RELN: variants seen among roughly 807,000 people sequenced by gnomAD.
RELN encodes reelin.
In RELN, 108 loss-of-function variants were observed where a neutral mutation model predicts 427.6. That is an observed-to-expected ratio of 0.25 (90% CI 0.22 to 0.30). The LOEUF is 0.30. RELN is among the 10% of genes least tolerant of loss of function. The pLI is 1.00. For missense variants in RELN, 3,715 were observed against 4,302.8 expected (o/e 0.86, Z 3.82); for synonymous variants, 1,524 against 1,513.4 (o/e 1.01, Z -0.16).
chr7:103,967,988 T>C (rs1023554010), intron 1 of RELN, among the ~76,000 whole-genome samples: 3 of 150,804 alleles, frequency 2.0e-5, no homozygotes, highest in Non-Finnish European at 4.4e-5. Context: ...CAAGTACATA[T>C]TTCTCAAACT....
intron 1 of RELN, among the ~76,000 whole-genome samples, chr7:103,985,460 T>C (rs1458186901): frequency 6.6e-6 from 1 of 152,210 alleles, no homozygotes; most frequent in South Asian, 2.1e-4. Context: ...TTGTCTTTCA[T>C]GCACAATGTC....
At position 103,682,128 on chromosome 7, in the gene RELN, C is replaced by T. The variant is rs568950079; in HGVS notation, c.1277G>A (p.Ser426Asn). The stretch of plus-strand genomic sequence containing the variant: ...AGCAATTACTTACCCTGTAGGCTGG[C>T]TCTCAAATTCTTCTGACCATTGCTC... The part of the protein sequence containing the change: ...IQEQWSEEFE[S>N]QPTGWDVLGA... The change falls in exon 11 of 65, where the codon AGC (serine) becomes AAC (asparagine). Residue 426 changes from serine (S) to asparagine (N), a missense_variant. Ser to Asn is a conservative substitution (Grantham distance 46). Coordinates refer to ENST00000428762, the MANE Select transcript of RELN (RefSeq NM_005045.4). 193 of 1,613,932 alleles carry T rather than the reference C, an allele frequency of 1.2e-4. 2 individuals carry two copies. In the South Asian group the frequency reaches 2.0e-3, roughly 17 times the overall value.
Position 103,593,819 on chromosome 7 carries a change from C to T in RELN, c.3775G>A (p.Ala1259Thr). 6.2e-7 allele frequency: 1 copy of T among 1,613,894 alleles called. No individual in the cohort carries two copies. Among genetic ancestry groups the T allele is most frequent in the Non-Finnish European group, 8.5e-7 (1 of 1,179,876 alleles). Residue 1259 changes from alanine (A) to threonine (T), a missense_variant, in exon 27 of 65, where the codon GCT becomes ACT. Ala to Thr is a moderately conservative substitution (Grantham distance 58, BLOSUM62 0). Transcript: ENST00000428762. ...MNQMSVWLML[A>T]NEGMVKNETF... ...TCATTTTTAACCATTCCTTCATTAG[C>T]CAACATCAACCACACACTCATCTGA... is the stretch of plus-strand genomic sequence containing the variant.
At chr7:103,496,395 A>C in intron 56 of RELN, 131 bp downstream of exon 56, 1 of 1,259,436 alleles carries the variant, frequency 7.9e-7, no homozygotes, top group South Asian at 1.2e-5. Flanking sequence ...GCAAAATAAC[A>C]GCTAACATTT....
chr7:103,834,321 T>C lies in RELN; in HGVS notation c.338-649A>G, dbSNP rs138938738. Among the ~76,000 whole-genome samples, 69 of 152,336 alleles carry C rather than the reference T, an allele frequency of 4.5e-4. 3 individuals are homozygous for C. Among genetic ancestry groups the C allele is most frequent in the African/African-American group, 1.6e-3 (65 of 41,578 alleles). ...GCAGTCCTATTTGCATGGATGGGGATGTTGGTCACTTTCGTGGTTTGCTTC... is the reference window on the plus strand; with the variant it reads ...GCAGTCCTATTTGCATGGATGGGGACGTTGGTCACTTTCGTGGTTTGCTTC... On this transcript the variant is annotated intron_variant, in intron 2 of 64. Transcript: ENST00000428762.
At chr7:103,544,446 C>T (rs867476836) in intron 42 of RELN, among the ~76,000 whole-genome samples, 1 of 151,656 alleles carries the variant, frequency 6.6e-6, no homozygotes, top group East Asian at 1.9e-4. Flanking sequence ...AGGCTGGTCT[C>T]GAATTCCCGA....
intron 5 of RELN, among the ~76,000 whole-genome samples, chr7:103,750,153 T>A (rs1790961314): frequency 6.6e-6 from 1 of 152,190 alleles, no homozygotes; most frequent in Non-Finnish European, 1.5e-5. Context: ...CTAATTTTTA[T>A]ATTTTTAGTA....
chr7:103,946,870 C>T (rs989237736), intron 1 of RELN, among the ~76,000 whole-genome samples: 2 of 152,148 alleles, frequency 1.3e-5, no homozygotes, highest in African/African-American at 4.8e-5. Flanking sequence ...GCCTTTCATC[C>T]ATGATGAATT....
chr7:103,812,652 C>A (rs39334), intron 3 of RELN, among the ~76,000 whole-genome samples: 75,300 of 152,032 alleles, frequency 0.5, 21,357 homozygotes, highest in South Asian at 0.64. Flanking sequence ...CCAATCTTTT[C>A]TTTTTCTTAC....
intron 1 of RELN, among the ~76,000 whole-genome samples, chr7:103,952,834 C>G (rs1468895462): frequency 3.9e-5 from 6 of 152,174 alleles, no homozygotes; most frequent in Non-Finnish European, 1.5e-5. Flanking sequence ...AAAACACTCA[C>G]AGAGGATGAA....
intron 36 of RELN, 60 bp from the exon 37 acceptor site, chr7:103,558,109 T>A: frequency 1.2e-6 from 1 of 814,608 alleles, no homozygotes; most frequent in Non-Finnish European, 2.2e-6. Context: ...TGTATCCCTT[T>A]GATTTTATAC....
intron 8 of RELN, among the ~76,000 whole-genome samples, chr7:103,711,214 T>G (rs1789790105): frequency 6.6e-6 from 1 of 152,222 alleles, no homozygotes; most frequent in South Asian, 2.1e-4. Flanking sequence ...TTGTTTTTAT[T>G]TCTTTTTGCA....
At chr7:103,605,686 A>C (rs1357762832) in intron 22 of RELN, among the ~76,000 whole-genome samples, 1 of 152,238 alleles carries the variant, frequency 6.6e-6, no homozygotes, top group Non-Finnish European at 1.5e-5. Context: ...TTTCCCAAGC[A>C]CACTATATAC....
In RELN at chr7:103,511,013, C is replaced by T. The variant is rs774963642; in HGVS notation, c.8120-8G>A. On this transcript the variant is annotated splice_region_variant and splice_polypyrimidine_tract_variant and intron_variant, in intron 50 of 64. Coordinates refer to ENST00000428762, the MANE Select transcript of RELN (RefSeq NM_005045.4). ...ATAGCCAGTGCTCATTCACTTAAAA[C>T]AAAAAAACAAAATTTTATGACAAAT... 6.2e-7 allele frequency: 1 copy of T among 1,610,272 alleles called. No individual in the cohort carries two copies. Among genetic ancestry groups the T allele is most frequent in the Non-Finnish European group, 8.5e-7 (1 of 1,177,112 alleles).
At chr7:103,520,971 T>TA (rs1562869033) in intron 48 of RELN, among the ~76,000 whole-genome samples, 9 of 127,300 alleles carry the variant, frequency 7.1e-5, no homozygotes, top group African/African-American at 2.6e-4. Flanking sequence ...TTTTTTTTTT[T>TA]TTTTTTTTTT....
chr7:103,511,204 G>C, intron 50 of RELN, among the ~76,000 whole-genome samples, 199 bp from the exon 51 acceptor site: 1 of 152,160 alleles, frequency 6.6e-6, no homozygotes. Context: ...CCCTTTGTCT[G>C]ATATTAGTAC....
In RELN at chr7:103,553,740, A is replaced by G. The variant is rs770277133; in HGVS notation, c.5889T>C (p.Phe1963=). 8 of 1,613,998 alleles carry G rather than the reference A, an allele frequency of 5.0e-6. No homozygotes were observed. The highest frequency in any genetic ancestry group is 6.8e-6 in the Non-Finnish European group (8 of 1,179,848). Reference sequence around the variant, plus strand: ...AAAACCAATTGTCTTCTCTGGGCCCAAAATCAAATGTATCCAAGAGCATCA... The same window carrying G: ...AAAACCAATTGTCTTCTCTGGGCCCGAAATCAAATGTATCCAAGAGCATCA... ...NPVMLLDTFD[F]GPREDNWFFY... is the part of the protein sequence containing the mutation. The change falls in exon 39 of 65, where the codon TTT becomes TTC. Residue 1963 remains phenylalanine, a synonymous_variant. Coordinates refer to ENST00000428762, the MANE Select transcript of RELN (RefSeq NM_005045.4).
chr7:103,856,701 G>A (rs922250138), intron 2 of RELN, among the ~76,000 whole-genome samples: 6 of 151,872 alleles, frequency 4.0e-5, no homozygotes, highest in East Asian at 3.9e-4. Context: ...AATTAAGCAT[G>A]TCTGTGCCTT....
chr7:103,957,099 C>T (rs1201699811), intron 1 of RELN, among the ~76,000 whole-genome samples: 1 of 152,026 alleles, frequency 6.6e-6, no homozygotes, highest in Non-Finnish European at 1.5e-5. Flanking sequence ...GGAGGGACAC[C>T]GGGGTGTTTG....
Sources: gnomAD v4.1 joint callset for allele counts (sites outside exome capture counted in the v4.1 genomes callset) on GRCh38, gnomAD v4.1.1 for gene constraint, MANE v1.5 for transcripts, NCBI Gene and HGNC (gene_info 2026-07-23, HGNC 2026-07-21) for gene names.